The following EIF3H variants were observed in gnomAD, a reference collection of about 807,000 sequenced individuals.
EIF3H encodes the protein eukaryotic translation initiation factor 3 subunit H.
Under a neutral mutation model 44.2 loss-of-function variants are expected in EIF3H, and 26 were observed. The ratio of observed to expected loss-of-function variants is 0.59; its 90% CI spans 0.43 to 0.82. The LOEUF is 0.82. EIF3H is among the 40% of genes least tolerant of loss of function. The pLI is 0.00. For missense variants in EIF3H, 359 were observed against 432.8 expected, an observed-to-expected ratio of 0.83 and a Z score of 1.51; for synonymous variants, 166 against 151.9, an observed-to-expected ratio of 1.09 and a Z score of -0.68.
chr8:116,750,081 C>T (rs1306868112), intron 1 of EIF3H, among the ~76,000 whole-genome samples: 1 of 152,290 alleles, frequency 6.6e-6, no homozygotes, highest in African/African-American at 2.4e-5. Context: ...CTGGGTTCTA[C>T]CTTGCTCACC....
chr8:116,655,681 C>T (rs1324312263), intron 5 of EIF3H, among the ~76,000 whole-genome samples, 175 bp downstream of exon 5: 1 of 152,028 alleles, frequency 6.6e-6, no homozygotes, highest in Non-Finnish European at 1.5e-5. Context: ...ATCAGTTTGG[C>T]GTTTTTCCCT....
At chr8:116,750,291 T>C (rs1393920000) in intron 1 of EIF3H, among the ~76,000 whole-genome samples, 1 of 152,220 alleles carries the variant, frequency 6.6e-6, no homozygotes, top group Non-Finnish European at 1.5e-5. Flanking sequence ...TTTTATTCAA[T>C]ATGTGATGAT....
intron 1 of EIF3H, among the ~76,000 whole-genome samples, chr8:116,752,762 AGGGAGG>A (rs1815376173): frequency 8.1e-4 from 21 of 25,820 alleles, no homozygotes; most frequent in African/African-American, 2.5e-3. Context: ...AGAGGGAGGG[AGGGAGG>A]GAGGGAGGGA....
rs148467451 is a variant in EIF3H at position 116,706,431 on chromosome 8, T to C, written c.289+19585A>G. Among the ~76,000 whole-genome samples the C allele has an allele frequency of 2.6e-5, 4 of 152,330 alleles. No homozygotes were observed. The East Asian group carries it at 7.7e-4, about 29-fold the overall frequency. ...CAAGTGTCAGCTGAGCATATCTCCA[T>C]TCCAGGGACTCTCCAAACACTCCAT... is the stretch of plus-strand genomic sequence containing the variant. On this transcript the variant is annotated intron_variant, in intron 2 of 7. Coordinates refer to ENST00000521861, the MANE Select transcript of EIF3H (RefSeq NM_003756.3).
chr8:116,649,138 T>C (rs187410195), intron 5 of EIF3H, among the ~76,000 whole-genome samples: 292 of 152,330 alleles, frequency 1.9e-3, no homozygotes, highest in African/African-American at 6.6e-3. Flanking sequence ...CAGGGATACC[T>C]GAAATAGCTG....
chr8:116,699,527 A>G (rs1264745943), intron 2 of EIF3H, among the ~76,000 whole-genome samples: 2 of 152,182 alleles, frequency 1.3e-5, no homozygotes, highest in Non-Finnish European at 2.9e-5. Context: ...AGATGAGAAT[A>G]GAAGACACTA....
chr8:116,659,750 C>T (rs1264949619), intron 2 of EIF3H, among the ~76,000 whole-genome samples: 4 of 151,788 alleles, frequency 2.6e-5, no homozygotes, highest in Admixed American at 2.0e-4. Flanking sequence ...AGCAGTATTA[C>T]CAGAAAAACA....
At chr8:116,755,601 T>C in intron 1 of EIF3H, 65 bp downstream of exon 1, 1 of 1,603,680 alleles carries the variant, frequency 6.2e-7, no homozygotes, top group Non-Finnish European at 8.5e-7. Context: ...AGAAAGTACG[T>C]CTGGTGGGAC....
intron 2 of EIF3H, among the ~76,000 whole-genome samples, chr8:116,663,241 G>A (rs1813610371): frequency 6.6e-6 from 1 of 152,144 alleles, no homozygotes; most frequent in Non-Finnish European, 1.5e-5. Flanking sequence ...AAAGGAAAAA[G>A]GAGGAGGAAA....
At chr8:116,646,638 T>C (rs769474920) in intron 6 of EIF3H, 35 bp from the exon 7 acceptor site, 1 of 1,609,692 alleles carries the variant, frequency 6.2e-7, no homozygotes. Flanking sequence ...TGGTTATTTT[T>C]CTCCATCTGA....
intron 1 of EIF3H, among the ~76,000 whole-genome samples, chr8:116,731,049 T>G (rs1162832194): frequency 6.6e-6 from 1 of 152,192 alleles, no homozygotes; most frequent in Non-Finnish European, 1.5e-5. Context: ...AATATGTTGA[T>G]AACAGCAAGG....
intron 1 of EIF3H, among the ~76,000 whole-genome samples, chr8:116,728,498 T>C (rs1814894508): frequency 6.6e-6 from 1 of 152,078 alleles, no homozygotes; most frequent in Non-Finnish European, 1.5e-5. Context: ...AACCAGGTAG[T>C]AATAGACAAC....
chr8:116,710,564 A>G (rs1189329952), intron 2 of EIF3H, among the ~76,000 whole-genome samples: 2 of 152,234 alleles, frequency 1.3e-5, no homozygotes, highest in African/African-American at 4.8e-5. Flanking sequence ...CTGGTGTTAA[A>G]TTTAATATCA....
rs940612148 is a variant in EIF3H, at chr8:116,657,620, A to G, written c.458-306T>C. 1.1e-4 allele frequency: 40 copies of G among 351,890 alleles called. 1 individual carries two copies. Among genetic ancestry groups the G allele is most frequent in the African/African-American group, 7.7e-4 (36 of 46,550 alleles). The allele number at this position is 351,890 out of a possible 1,614,324, so 21.8% of individuals were successfully genotyped here. On this transcript the variant is annotated intron_variant, in intron 3 of 7. Coordinates refer to ENST00000521861, the MANE Select transcript of EIF3H (RefSeq NM_003756.3). Reference sequence around the variant, plus strand: ...AGTAACCTTGCTGAAAATTAAATGTATCATATGTTCTAGACATATTGTATA... The same window carrying G: ...AGTAACCTTGCTGAAAATTAAATGTGTCATATGTTCTAGACATATTGTATA...
At chr8:116,729,024 A>G (rs1814905910) in intron 1 of EIF3H, among the ~76,000 whole-genome samples, 1 of 152,232 alleles carries the variant, frequency 6.6e-6, no homozygotes, top group African/African-American at 2.4e-5. Context: ...CTTAAAAAAT[A>G]GAACAAATAC....
chr8:116,702,515 G>A (rs1437928406), intron 2 of EIF3H, among the ~76,000 whole-genome samples: 1 of 152,176 alleles, frequency 6.6e-6, no homozygotes, highest in Non-Finnish European at 1.5e-5. Context: ...GAGTGAGATA[G>A]CAGGAACCAA....
chr8:116,663,106 T>C (rs755391343), intron 2 of EIF3H, among the ~76,000 whole-genome samples: 4 of 152,188 alleles, frequency 2.6e-5, no homozygotes, highest in Non-Finnish European at 4.4e-5. Flanking sequence ...GAGGTCCTGC[T>C]ATTTGCCTCC....
chr8:116,700,354 C>T (rs1415568806), intron 2 of EIF3H, among the ~76,000 whole-genome samples: 1 of 152,278 alleles, frequency 6.6e-6, no homozygotes, highest in East Asian at 1.9e-4. Flanking sequence ...GCTTTGAATG[C>T]AGCCAAACAC....
rs199623419 is a variant in EIF3H, at chr8:116,755,821, G to C, written c.-24C>G. 9.3e-6 allele frequency: 15 copies of C among 1,610,644 alleles called. No individual in the cohort carries two copies. Among genetic ancestry groups the C allele is most frequent in the Non-Finnish European group, 9.3e-6 (11 of 1,179,898 alleles). ...ATCTTTCCAAGCAGACAGGAAGAAAGAGAAACGTGAGTTACCGGAAGCGGA... is the reference window on the plus strand; with the variant it reads ...ATCTTTCCAAGCAGACAGGAAGAAACAGAAACGTGAGTTACCGGAAGCGGA... On this transcript the variant is annotated 5_prime_UTR_variant, in exon 1 of 8. Transcript: ENST00000521861.
Sources: allele counts gnomAD v4.1 joint callset (sites outside exome capture counted in the v4.1 genomes callset), GRCh38; gene constraint gnomAD v4.1.1; transcripts MANE v1.5; gene names NCBI Gene and HGNC (gene_info 2026-07-23, HGNC 2026-07-21).